The following CLEC2D variants were observed in gnomAD, a reference collection of about 807,000 sequenced individuals.
CLEC2D encodes the protein C-type lectin related f.
Under a neutral mutation model 20.0 loss-of-function variants are expected in CLEC2D, and 16 were observed. That is an observed-to-expected ratio of 0.80 (90% CI 0.54 to 1.22). The LOEUF is 1.22. Ranked by LOEUF, CLEC2D falls within the 50% of genes most tolerant of loss-of-function variation. The probability of loss-of-function intolerance (pLI) is 0.00; values close to 1 mark genes in which losing one functional copy is unlikely to be tolerated. For synonymous variants in CLEC2D, 77 were observed against 71.1 expected (o/e 1.08, Z -0.42); for missense variants, 207 against 221.5 (o/e 0.93, Z 0.42).
At chr12:9,693,838 C>T (rs1420836438) in intron 4 of CLEC2D, 1 of 443,656 alleles carries the variant, frequency 2.3e-6, no homozygotes. Flanking sequence ...CAGGGTCTTA[C>T]TCTGTTACCC....
intron 1 of CLEC2D, among the ~76,000 whole-genome samples, chr12:9,676,530 A>C (rs1258043472): frequency 6.6e-6 from 1 of 152,192 alleles, no homozygotes; most frequent in African/African-American, 2.4e-5. Context: ...ATTTAACTTC[A>C]TCACAGTATA....
chr12:9,696,350 ATGT>A lies in CLEC2D; in HGVS notation c.*1480_*1482del, dbSNP rs1865993745. On this transcript the variant is annotated 3_prime_UTR_variant, in exon 5 of 5. Coordinates refer to ENST00000290855, the MANE Select transcript of CLEC2D (RefSeq NM_013269.6). Reference sequence around the variant, plus strand: ...GAACTTTCCCTACCATGTTTGATAAATGTTGTCCAGGTTCTATTGCCAAGAATG... The same window carrying A: ...GAACTTTCCCTACCATGTTTGATAAATGTCCAGGTTCTATTGCCAAGAATG... The A allele has an allele frequency of 5.6e-6, 3 of 535,652 alleles. No individual in the cohort carries two copies. Among genetic ancestry groups the A allele is most frequent in the Non-Finnish European group, 1.0e-5 (3 of 292,672 alleles). 33.2% of individuals were successfully genotyped at this position (535,652 alleles called of 1,614,324 possible).
intron 4 of CLEC2D, chr12:9,693,739 TTTTA>T (rs1444714038): frequency 1.2e-5 from 5 of 408,728 alleles, no homozygotes; most frequent in African/African-American, 8.4e-5. Context: ...TAGAATTAAC[TTTTA>T]TTTCTTATTT....
rs544557948 is a variant in CLEC2D at position 9,695,310 on chromosome 12, G to C, written c.*436G>C. Reference sequence around the variant, plus strand: ...GCTCCCTGGTGTGATTCCGTCCTGCGCGGCTGTTCTCTGGAGCAGCATTCA... The same window carrying C: ...GCTCCCTGGTGTGATTCCGTCCTGCCCGGCTGTTCTCTGGAGCAGCATTCA... On this transcript the variant is annotated 3_prime_UTR_variant, in exon 5 of 5. Coordinates refer to ENST00000290855, the MANE Select transcript of CLEC2D (RefSeq NM_013269.6). 3 of 791,554 alleles carry C rather than the reference G, an allele frequency of 3.8e-6. No homozygotes were observed. The highest frequency in any genetic ancestry group is 6.6e-6 in the Non-Finnish European group (3 of 454,506). 49.0% of individuals were successfully genotyped at this position (791,554 alleles called of 1,614,324 possible). A position where few individuals can be genotyped will look rare whatever the true frequency, so the allele number is the denominator to read the frequency against.
Position 9,695,787 on chromosome 12 carries a change from C to G in CLEC2D, c.*913C>G. 2.2e-6 allele frequency: 3 copies of G among 1,334,146 alleles called. No homozygotes were observed. Among genetic ancestry groups the G allele is most frequent in the Non-Finnish European group, 3.2e-6 (3 of 939,054 alleles). The allele number at this position is 1,334,146 out of a possible 1,614,324, so 82.6% of individuals were successfully genotyped here. The stretch of plus-strand genomic sequence containing the variant: ...ATGAAGAAGAGGAGGATGTGAAACT[C>G]TTAAGTATATCTGGAAAGCAGTCTG... On this transcript the variant is annotated 3_prime_UTR_variant, in exon 5 of 5. Transcript: ENST00000290855.
Position 9,687,978 on chromosome 12 carries a change from A to C in CLEC2D, c.249A>C (p.Gln83His). 6.2e-7 allele frequency: 1 copy of C among 1,612,778 alleles called. No individual in the cohort carries two copies. The highest frequency in any genetic ancestry group is 8.5e-7 in the Non-Finnish European group (1 of 1,179,364). The change falls in exon 3 of 5, where the codon CAA (glutamine) becomes CAC (histidine). Residue 83 changes from glutamine (Q) to histidine (H), a missense_variant. Gln to His is a conservative substitution (Grantham distance 24). Coordinates refer to ENST00000290855, the MANE Select transcript of CLEC2D (RefSeq NM_013269.6). ...GCCCAGAAAGCTGGATTGGTTTTCA[A>C]AGAAAGTGTTTCTATTTTTCTGATG... is the stretch of plus-strand genomic sequence containing the variant. ...AACPESWIGFQRKCFYFSDDT... is the reference protein window; with the variant it reads ...AACPESWIGFHRKCFYFSDDT...
At chr12:9,693,295 C>T (rs1039214777) in intron 4 of CLEC2D, 2 of 518,952 alleles carry the variant, frequency 3.9e-6, no homozygotes, top group African/African-American at 3.8e-5. Flanking sequence ...TTTGATGTAT[C>T]AGGGAAAGAT....
intron 3 of CLEC2D, 160 bp downstream of exon 3, chr12:9,688,246 T>C (rs981776583): frequency 3.2e-6 from 4 of 1,235,528 alleles, no homozygotes; most frequent in Non-Finnish European, 2.0e-6. Flanking sequence ...GCATGTATTA[T>C]ATTTTACAGT....
intron 2 of CLEC2D, among the ~76,000 whole-genome samples, chr12:9,687,560 C>T (rs1217965446): frequency 6.6e-6 from 1 of 152,164 alleles, no homozygotes; most frequent in African/African-American, 2.4e-5. Flanking sequence ...ACTATCTGTT[C>T]TCCAAAGCTG....
chr12:9,670,710 T>G (rs1416465319), intron 1 of CLEC2D, among the ~76,000 whole-genome samples: 1 of 152,242 alleles, frequency 6.6e-6, no homozygotes, highest in Non-Finnish European at 1.5e-5. Context: ...TTGGAGTATA[T>G]TGATACTATT....
At chr12:9,675,289 G>T (rs1865500766) in intron 1 of CLEC2D, among the ~76,000 whole-genome samples, 1 of 150,630 alleles carries the variant, frequency 6.6e-6, no homozygotes, top group Non-Finnish European at 1.5e-5. Context: ...CGCCTCCTGG[G>T]TTCACCCACC....
chr12:9,670,398 C>T (rs1430119689), intron 1 of CLEC2D, among the ~76,000 whole-genome samples: 1 of 152,068 alleles, frequency 6.6e-6, no homozygotes, highest in Non-Finnish European at 1.5e-5. Context: ...GTTTTCTCCT[C>T]CCAACTTAAA....
chr12:9,681,109 T>G (rs1865626604), intron 2 of CLEC2D, 76 bp downstream of exon 2: 1 of 833,010 alleles, frequency 1.2e-6, no homozygotes, highest in East Asian at 2.5e-5. Flanking sequence ...TGAATAATTT[T>G]GTTATTCTTT....
chr12:9,694,802 C>T lies in CLEC2D; in HGVS notation c.504C>T (p.Asp168=), dbSNP rs1865942073. ...CAGGAGAGTGTGCCTATTTGAATGA[C>T]AAAGGTGCCAGTAGTGCCAGGCACT... The part of the protein sequence containing the change: ...LGAGECAYLN[D]KGASSARHYT... Residue 168 remains aspartate, a synonymous_variant, in exon 5 of 5, where the codon GAC becomes GAT. Transcript: ENST00000290855. The T allele has an allele frequency of 1.2e-6, 2 of 1,612,970 alleles. No homozygotes were observed. Among genetic ancestry groups the T allele is most frequent in the South Asian group, 2.2e-5 (2 of 91,048 alleles).
At chr12:9,684,708 G>A (rs1865715882) in intron 2 of CLEC2D, among the ~76,000 whole-genome samples, 1 of 152,132 alleles carries the variant, frequency 6.6e-6, no homozygotes, top group South Asian at 2.1e-4. Context: ...TATTGAACCA[G>A]ACTTTCATCC....
In CLEC2D at chr12:9,698,732, G is replaced by A. The variant is rs1321304928; in HGVS notation, c.*3858G>A. On this transcript the variant is annotated 3_prime_UTR_variant, in exon 5 of 5. Coordinates refer to ENST00000290855, the MANE Select transcript of CLEC2D (RefSeq NM_013269.6). ...GAGTAAAGAGACAACTTACAGATTG[G>A]GAGAATATATTTCCAAACTATTGTT... is the stretch of plus-strand genomic sequence containing the variant. 6.6e-6 allele frequency: 1 copy of A among 152,082 alleles called. No homozygotes were observed. Among genetic ancestry groups the A allele is most frequent in the Non-Finnish European group, 1.5e-5 (1 of 67,998 alleles). 9.4% of individuals were successfully genotyped at this position (152,082 alleles called of 1,614,324 possible). A position where few individuals can be genotyped will look rare whatever the true frequency, so the allele number is the denominator to read the frequency against.
intron 2 of CLEC2D, among the ~76,000 whole-genome samples, chr12:9,683,211 A>G (rs901576086): frequency 2.6e-5 from 4 of 151,812 alleles, no homozygotes; most frequent in Non-Finnish European, 5.9e-5. Context: ...TTATTCTTGT[A>G]AATTTTTTTA....
At position 9,698,778 on chromosome 12, in the gene CLEC2D, C is replaced by T. The variant is rs146900798; in HGVS notation, c.*3904C>T. The T allele has an allele frequency of 6.6e-6, 1 of 152,244 alleles. No individual in the cohort carries two copies. The highest frequency in any genetic ancestry group is 1.9e-4 in the East Asian group (1 of 5,184). The allele number at this position is 152,244 out of a possible 1,614,324, so 9.4% of individuals were successfully genotyped here. A position where few individuals can be genotyped will look rare whatever the true frequency, so the allele number is the denominator to read the frequency against. ...TTGTTGGGGCTCAGAAACGGATACCCTAACATATAGTGATTTGACAGGTGG... is the reference window on the plus strand; with the variant it reads ...TTGTTGGGGCTCAGAAACGGATACCTTAACATATAGTGATTTGACAGGTGG... On this transcript the variant is annotated 3_prime_UTR_variant, in exon 5 of 5. Coordinates refer to ENST00000290855, the MANE Select transcript of CLEC2D (RefSeq NM_013269.6).
At chr12:9,687,553 A>G (rs1865775280) in intron 2 of CLEC2D, among the ~76,000 whole-genome samples, 3 of 152,184 alleles carry the variant, frequency 2.0e-5, no homozygotes, top group African/African-American at 7.2e-5. Context: ...TTGGAGAACT[A>G]TCTGTTCTCC....
Sources: gnomAD v4.1 joint callset for allele counts (sites outside exome capture counted in the v4.1 genomes callset) on GRCh38, gnomAD v4.1.1 for gene constraint, MANE v1.5 for transcripts, NCBI Gene and HGNC (gene_info 2026-07-23, HGNC 2026-07-21) for gene names.